The following RAD54L2 variants were observed in gnomAD, a reference collection of about 807,000 sequenced individuals.
RAD54L2 encodes the protein helicase ARIP4.
A neutral mutation model predicts 138.4 loss-of-function variants in RAD54L2; 27 were observed. The ratio of observed to expected loss-of-function variants is 0.20; its 90% CI spans 0.14 to 0.27. RAD54L2 has a LOEUF of 0.27. Ranked by LOEUF, RAD54L2 falls within the 10% of genes least tolerant of loss-of-function variation. The probability of loss-of-function intolerance (pLI) is 1.00; values close to 1 mark genes in which losing one functional copy is unlikely to be tolerated. For synonymous variants in RAD54L2, 644 were observed against 723.2 expected (o/e 0.89, Z 1.76); for missense variants, 1,396 against 1,890.2 (o/e 0.74, Z 4.85).
Position 51,637,180 on chromosome 3 carries a change from C to G in RAD54L2, c.1359C>G (p.Cys453Trp), listed in dbSNP as rs770058562. Residue 453 changes from cysteine to tryptophan, a missense_variant, in exon 11 of 23, where the codon TGC becomes TGG. By Grantham distance (215) the Cys-to-Trp change is radical. This residue lies in a region of RAD54L2 where 169 missense variants were observed against 235.6 expected (regional missense o/e 0.72). Coordinates refer to ENST00000684192, the MANE Select transcript of RAD54L2 (RefSeq NM_015106.4). The surrounding 1 kb of genome is among the most constrained non-coding windows in gnomAD (Gnocchi z 5.9). ...EFRREFEKAL[C>W]RPGPDVVICD... The stretch of plus-strand genomic sequence containing the variant: ...CCCTAGAGTTTGAGAAGGCTTTATG[C>G]CGCCCTGGCCCTGATGTAGTAATCT... The G allele has an allele frequency of 1.3e-6, 2 of 1,583,648 alleles. No homozygotes were observed. The highest frequency in any genetic ancestry group is 1.7e-6 in the Non-Finnish European group (2 of 1,164,598).
chr3:51,558,340 T>G (rs1018192338), intron 2 of RAD54L2, among the ~76,000 whole-genome samples: 23 of 152,188 alleles, frequency 1.5e-4, no homozygotes, highest in African/African-American at 5.5e-4. Context: ...AAAAAATTTC[T>G]TAGATGTTTA....
intron 3 of RAD54L2, among the ~76,000 whole-genome samples, chr3:51,614,519 C>CT (rs146602107): frequency 0.022 from 3,243 of 144,574 alleles, 34 homozygotes; most frequent in Middle Eastern, 0.04. Context: ...TCTCAGATCT[C>CT]TTTTTTTTTT....
In RAD54L2 at chr3:51,638,023, A is replaced by AT. The variant is rs1407447211; in HGVS notation, c.1683-121_1683-120insT. On this transcript the variant is annotated intron_variant, in intron 11 of 22. Transcript: ENST00000684192. The surrounding 1 kb of genome is among the most constrained non-coding windows in gnomAD (Gnocchi z 4.3). Reference sequence around the variant, plus strand: ...CCACTCTGCATTATTGCAAGGCTGCAGTGCATGTTGAGATCCTCAAGAGGG... The same window carrying AT: ...CCACTCTGCATTATTGCAAGGCTGCATGTGCATGTTGAGATCCTCAAGAGGG... 2 of 872,386 alleles carry AT rather than the reference A, an allele frequency of 2.3e-6. No individual in the cohort carries two copies. Among genetic ancestry groups the AT allele is most frequent in the Non-Finnish European group, 3.5e-6 (2 of 565,290 alleles). 54.0% of individuals were successfully genotyped at this position (872,386 alleles called of 1,614,324 possible). A position where few individuals can be genotyped will look rare whatever the true frequency, so the allele number is the denominator to read the frequency against.
At chr3:51,586,963 A>G (rs1291282813) in intron 2 of RAD54L2, among the ~76,000 whole-genome samples, 1 of 152,210 alleles carries the variant, frequency 6.6e-6, no homozygotes, top group Non-Finnish European at 1.5e-5. Context: ...ACTGATGAAT[A>G]TACTAACATT....
At chr3:51,574,423 T>C (rs1699415397) in intron 2 of RAD54L2, among the ~76,000 whole-genome samples, 1 of 152,228 alleles carries the variant, frequency 6.6e-6, no homozygotes, top group Non-Finnish European at 1.5e-5. Flanking sequence ...ATCGCCACAC[T>C]GTCTTCCACA....
chr3:51,645,707 A>G lies in RAD54L2; in HGVS notation c.2773A>G (p.Ile925Val). Residue 925 changes from isoleucine (I) to valine (V), a missense_variant, in exon 18 of 23, where the codon ATC (isoleucine) becomes GTC (valine). Transcript: ENST00000684192. This position sits in a 1 kb window ranked among gnomAD's most constrained non-coding sequence, Gnocchi z 6.1. Reference sequence around the variant, plus strand: ...CCAAGTTTCCTTGAACGTAAAGGGGATCAAGGAGTCAGTCCTGCAACTGGC... The same window carrying G: ...CCAAGTTTCCTTGAACGTAAAGGGGGTCAAGGAGTCAGTCCTGCAACTGGC... The part of the protein sequence containing the change: ...APQVSLNVKG[I>V]KESVLQLACL... 6.2e-7 allele frequency: 1 copy of G among 1,612,858 alleles called. No homozygotes were observed.
chr3:51,660,880 A>G (rs1010247615), intron 22 of RAD54L2, among the ~76,000 whole-genome samples: 1 of 150,854 alleles, frequency 6.6e-6, no homozygotes, highest in African/African-American at 2.4e-5. Context: ...TCGGCCTCCC[A>G]AAGTGCTGGG....
At chr3:51,606,381 C>CT (rs1700180356) in intron 3 of RAD54L2, among the ~76,000 whole-genome samples, 1 of 152,030 alleles carries the variant, frequency 6.6e-6, no homozygotes, top group African/African-American at 2.4e-5. Flanking sequence ...GAGGAGTAGC[C>CT]TGAGATTCTT....
At position 51,586,627 on chromosome 3, in the gene RAD54L2, G is replaced by T. The variant is rs561871353; in HGVS notation, c.-54-3740G>T. Among the ~76,000 whole-genome samples, 5 of 149,074 alleles carry T rather than the reference G, an allele frequency of 3.4e-5. No homozygotes were observed. The South Asian group carries it at 1.1e-3, about 32-fold the overall frequency. On this transcript the variant is annotated intron_variant, in intron 2 of 22. Transcript: ENST00000684192. The stretch of plus-strand genomic sequence containing the variant: ...CTTGTTGCCCAGGCTGGAGTGCAGT[G>T]GTGGGATCTCAGCTCACTGGAATCT...
At chr3:51,641,582 G>T (rs1239989711) in intron 14 of RAD54L2, among the ~76,000 whole-genome samples, 167 bp from the exon 15 acceptor site, 1 of 152,232 alleles carries the variant, frequency 6.6e-6, no homozygotes, top group Non-Finnish European at 1.5e-5. Flanking sequence ...CTCCCAAAGT[G>T]CTGGGATTAT....
chr3:51,651,106 C>T (rs1406601713), intron 19 of RAD54L2, among the ~76,000 whole-genome samples: 2 of 152,136 alleles, frequency 1.3e-5, no homozygotes, highest in African/African-American at 2.4e-5. Context: ...AAGGGGATAT[C>T]ACCACTGATC....
rs71084155 is a variant in RAD54L2, at chr3:51,657,916, CT to C, written c.3316+274del. Among the ~76,000 whole-genome samples the C allele has an allele frequency of 8.8e-3, 772 of 87,386 alleles. 1 individual carries two copies. The highest frequency in any genetic ancestry group is 0.024 in the African/African-American group (532 of 21,890). 57.3% of individuals were successfully genotyped at this position (87,386 alleles called of 152,430 possible). On this transcript the variant is annotated intron_variant, in intron 21 of 22. Coordinates refer to ENST00000684192, the MANE Select transcript of RAD54L2 (RefSeq NM_015106.4). The stretch of plus-strand genomic sequence containing the variant: ...TCCCTACATTTCTCTATCTTGCTGT[CT>C]TTTTTTTTTTTTTTTTTTTTTTTTT...
At chr3:51,612,631 T>TA (rs1197257112) in intron 3 of RAD54L2, among the ~76,000 whole-genome samples, 1 of 152,104 alleles carries the variant, frequency 6.6e-6, no homozygotes. Flanking sequence ...TATACTTATG[T>TA]TGTTAGTAAC....
chr3:51,627,076 A>G (rs1362609994), intron 3 of RAD54L2, among the ~76,000 whole-genome samples: 2 of 152,166 alleles, frequency 1.3e-5, no homozygotes, highest in Non-Finnish European at 2.9e-5. Context: ...CGTCTAGGAT[A>G]TTGCTTGCCA....
At chr3:51,602,168 T>C (rs1204921246) in intron 3 of RAD54L2, among the ~76,000 whole-genome samples, 2 of 152,134 alleles carry the variant, frequency 1.3e-5, no homozygotes, top group Non-Finnish European at 2.9e-5. Context: ...CAGGGCATTG[T>C]TTTTTTATTT....
intron 2 of RAD54L2, among the ~76,000 whole-genome samples, chr3:51,551,088 G>T (rs116787695): frequency 5.9e-4 from 90 of 152,184 alleles, no homozygotes; most frequent in African/African-American, 2.1e-3. Context: ...GTACAGAAAT[G>T]GGGTTATAGT....
chr3:51,580,566 G>A (rs1028069165), intron 2 of RAD54L2, among the ~76,000 whole-genome samples: 24 of 152,036 alleles, frequency 1.6e-4, no homozygotes, highest in African/African-American at 5.6e-4. Context: ...GCTATCTAGG[G>A]GCCCCACCCT....
intron 3 of RAD54L2, among the ~76,000 whole-genome samples, chr3:51,600,457 AT>A (rs1170161846): frequency 6.6e-6 from 1 of 152,060 alleles, no homozygotes; most frequent in African/African-American, 2.4e-5. Context: ...ACTACAAAAA[AT>A]TTAAAAATTA....
chr3:51,572,472 G>T (rs747048716), intron 2 of RAD54L2, among the ~76,000 whole-genome samples: 1 of 147,532 alleles, frequency 6.8e-6, no homozygotes, highest in Non-Finnish European at 1.5e-5. Flanking sequence ...AAAAAAAAAG[G>T]CTGGACATGG....
Sources: allele counts gnomAD v4.1 joint callset (sites outside exome capture counted in the v4.1 genomes callset), GRCh38; gene constraint gnomAD v4.1.1; regional missense constraint gnomAD v4.1.1; non-coding constraint Gnocchi (gnomAD v3.1); transcripts MANE v1.5; gene names NCBI Gene and HGNC (gene_info 2026-07-23, HGNC 2026-07-21).